RPTOR: variants seen among roughly 807,000 people sequenced by gnomAD.
RPTOR encodes the protein regulatory associated protein of MTOR complex 1.
In RPTOR, 21 loss-of-function variants were observed where a neutral mutation model predicts 169.9. The observed-to-expected ratio is 0.12, with a 90% CI of 0.09 to 0.18. The LOEUF (loss-of-function observed/expected upper bound fraction) is 0.18. RPTOR is among the 10% of genes least tolerant of loss of function. The pLI, the probability that RPTOR is intolerant of heterozygous loss-of-function variation, is 1.00. For missense variants in RPTOR, 1,133 were observed against 1,855.9 expected (o/e 0.61, Z 7.16); for synonymous variants, 732 against 753.2 (o/e 0.97, Z 0.46).
chr17:80,901,944 G>T (rs2068481931), intron 20 of RPTOR, among the ~76,000 whole-genome samples: 1 of 152,148 alleles, frequency 6.6e-6, no homozygotes, highest in Non-Finnish European at 1.5e-5. Flanking sequence ...CGCTGATGGA[G>T]CCCAGGTTCC....
intron 3 of RPTOR, among the ~76,000 whole-genome samples, chr17:80,647,791 C>T (rs1316824582): frequency 3.3e-5 from 5 of 152,208 alleles, no homozygotes; most frequent in African/African-American, 4.8e-5. Flanking sequence ...TCCAGGTCTG[C>T]GAGTAGTGAA....
chr17:80,896,436 C>CCA lies in RPTOR; in HGVS notation c.2401+2573_2401+2574dup. Reference sequence around the variant, plus strand: ...CACCCCACACGGCCTCGCCAACACCCCACGGCCATGCCGACACCCCACACG... The same window carrying CCA: ...CACCCCACACGGCCTCGCCAACACCCCACACGGCCATGCCGACACCCCACACG... On this transcript the variant is annotated intron_variant, in intron 20 of 33. Transcript: ENST00000306801. Among the ~76,000 whole-genome samples the CCA allele has an allele frequency of 1.6e-5, 2 of 123,836 alleles. 1 individual carries two copies. The highest frequency in any genetic ancestry group is 6.9e-5 in the African/African-American group (2 of 29,156). 81.2% of individuals were successfully genotyped at this position (123,836 alleles called of 152,430 possible). A position where few individuals can be genotyped will look rare whatever the true frequency, so the allele number is the denominator to read the frequency against.
At chr17:80,706,807 G>A (rs552297663) in intron 3 of RPTOR, among the ~76,000 whole-genome samples, 5 of 152,166 alleles carry the variant, frequency 3.3e-5, no homozygotes, top group East Asian at 1.9e-4. Flanking sequence ...TGAATTAAAC[G>A]AGCGAGAGCT....
intron 1 of RPTOR, among the ~76,000 whole-genome samples, chr17:80,604,493 A>C (rs2065214018): frequency 6.6e-6 from 1 of 152,248 alleles, no homozygotes; most frequent in African/African-American, 2.4e-5. Flanking sequence ...CAGGAGAAGC[A>C]GGAGAAAATT....
Position 80,960,027 on chromosome 17 carries a change from A to T in RPTOR, c.3478-51A>T. ...GTCCTGGCGCTGCAGGACAGCAGGG[A>T]GGGTGGCTCGGTGCCCCGGTCTTCA... On this transcript the variant is annotated intron_variant, in intron 29 of 33. Transcript: ENST00000306801. The surrounding 1 kb of genome is among the most constrained non-coding windows in gnomAD (Gnocchi z 4.8). 6.2e-7 allele frequency: 1 copy of T among 1,605,790 alleles called. No individual in the cohort carries two copies. Among genetic ancestry groups the T allele is most frequent in the South Asian group, 1.1e-5 (1 of 90,778 alleles).
At chr17:80,775,810 C>G (rs1354001054) in intron 6 of RPTOR, among the ~76,000 whole-genome samples, 1 of 152,164 alleles carries the variant, frequency 6.6e-6, no homozygotes, top group Non-Finnish European at 1.5e-5. Context: ...ACTGTTTTTG[C>G]TATTCCATAT....
At position 80,956,469 on chromosome 17, in the gene RPTOR, C is replaced by T. The variant is rs540355031; in HGVS notation, c.3371-1155C>T. 2.2e-3 allele frequency among the ~76,000 whole-genome samples: 335 copies of T among 152,332 alleles called. 1 individual carries two copies. Among genetic ancestry groups the T allele is most frequent in the African/African-American group, 7.6e-3 (315 of 41,580 alleles). Reference sequence around the variant, plus strand: ...TCCATCCCTTGCTGACGCCAGCCGTCGGGAGTCAGCCCCTTGCTGTCTGAA... The same window carrying T: ...TCCATCCCTTGCTGACGCCAGCCGTTGGGAGTCAGCCCCTTGCTGTCTGAA... On this transcript the variant is annotated intron_variant, in intron 28 of 33. Coordinates refer to ENST00000306801, the MANE Select transcript of RPTOR (RefSeq NM_020761.3).
At chr17:80,567,726 A>T (rs1025982320) in intron 1 of RPTOR, among the ~76,000 whole-genome samples, 1 of 151,512 alleles carries the variant, frequency 6.6e-6, no homozygotes, top group Non-Finnish European at 1.5e-5. Flanking sequence ...CGGGAGGCGG[A>T]GGTTGCAGCG....
At chr17:80,641,682 A>T (rs568379535) in intron 2 of RPTOR, among the ~76,000 whole-genome samples, 8 of 152,294 alleles carry the variant, frequency 5.3e-5, no homozygotes, top group African/African-American at 1.9e-4. Flanking sequence ...GTCCAAAAGA[A>T]CATACACACT....
intron 6 of RPTOR, among the ~76,000 whole-genome samples, chr17:80,779,492 G>A (rs955142109): frequency 6.6e-6 from 1 of 152,216 alleles, no homozygotes; most frequent in African/African-American, 2.4e-5. Context: ...GTGCACTGAC[G>A]TCGTCACAGG....
chr17:80,750,050 C>T (rs2066616268), intron 5 of RPTOR, among the ~76,000 whole-genome samples: 2 of 152,092 alleles, frequency 1.3e-5, no homozygotes, highest in Admixed American at 1.3e-4. Context: ...TGGGGTCTTT[C>T]CATCTTGCCC....
At chr17:80,640,816 G>A (rs768728451) in intron 2 of RPTOR, among the ~76,000 whole-genome samples, 10 of 152,200 alleles carry the variant, frequency 6.6e-5, no homozygotes, top group Non-Finnish European at 1.3e-4. Flanking sequence ...TTCTTCCTCT[G>A]TCCGTGGTTC....
intron 21 of RPTOR, chr17:80,909,782 T>G (rs1166610570): frequency 6.6e-6 from 1 of 152,206 alleles, no homozygotes; most frequent in Non-Finnish European, 1.5e-5. Context: ...AATCAGTTTT[T>G]GGTTTCATTG....
In RPTOR at chr17:80,659,148, C is replaced by G. The variant is rs568398491; in HGVS notation, c.348+15338C>G. On this transcript the variant is annotated intron_variant, in intron 3 of 33. Coordinates refer to ENST00000306801, the MANE Select transcript of RPTOR (RefSeq NM_020761.3). This position sits in a 1 kb window ranked among gnomAD's most constrained non-coding sequence, Gnocchi z 4.3. ...AGCATCACGTCCTGCAGGCTGGAGCCCATGAGTGGTCCCCGAGAGATTGCC... is the reference window on the plus strand; with the variant it reads ...AGCATCACGTCCTGCAGGCTGGAGCGCATGAGTGGTCCCCGAGAGATTGCC... Among the ~76,000 whole-genome samples, 58 of 152,296 alleles carry G rather than the reference C, an allele frequency of 3.8e-4. No individual in the cohort carries two copies. The highest frequency in any genetic ancestry group is 2.9e-3 in the Admixed American group (44 of 15,310).
At chr17:80,875,593 T>C (rs2068097998) in intron 13 of RPTOR, among the ~76,000 whole-genome samples, 1 of 152,220 alleles carries the variant, frequency 6.6e-6, no homozygotes, top group Admixed American at 6.5e-5. Flanking sequence ...ATGGAGCCTG[T>C]TGAGAGGGCG....
intron 21 of RPTOR, among the ~76,000 whole-genome samples, chr17:80,910,392 T>A (rs955366645): frequency 6.6e-6 from 1 of 152,210 alleles, no homozygotes; most frequent in African/African-American, 2.4e-5. Context: ...TTATGTGGAA[T>A]TAGAAGTCAC....
intron 3 of RPTOR, among the ~76,000 whole-genome samples, chr17:80,647,956 T>C (rs1054733875): frequency 2.6e-5 from 4 of 152,298 alleles, no homozygotes; most frequent in Admixed American, 2.6e-4. Flanking sequence ...TTCCCTTCAG[T>C]TCACCGTGCT....
At chr17:80,872,815 G>A (rs1401514140) in intron 13 of RPTOR, among the ~76,000 whole-genome samples, 2 of 152,194 alleles carry the variant, frequency 1.3e-5, no homozygotes, top group Admixed American at 6.5e-5. Flanking sequence ...GAGGTAGCAC[G>A]GCAGGCTGTG....
intron 1 of RPTOR, chr17:80,593,606 TG>T (rs2065123471): frequency 1.3e-5 from 2 of 154,094 alleles, no homozygotes; most frequent in South Asian, 4.1e-4. Context: ...TATGTGATGC[TG>T]GATTTTCTTC....
Sources: gnomAD v4.1 joint callset for allele counts (sites outside exome capture counted in the v4.1 genomes callset) on GRCh38, gnomAD v4.1.1 for gene constraint, Gnocchi (gnomAD v3.1) non-coding constraint, MANE v1.5 for transcripts, NCBI Gene and HGNC (gene_info 2026-07-23, HGNC 2026-07-21) for gene names.